SART1: variants seen among roughly 807,000 people sequenced by gnomAD.
The protein encoded by SART1 is spliceosome associated factor 1, recruiter of U4/U6.U5 tri-snRNP, also known as U4/U6.U5 tri-snRNP-associated protein 1.
In SART1, 28 loss-of-function variants were observed where a neutral mutation model predicts 105.0. The observed-to-expected ratio is 0.27, with a 90% CI of 0.20 to 0.37. The LOEUF (loss-of-function observed/expected upper bound fraction) is 0.37. Among genes scored for constraint, SART1 ranks in the 10% least tolerant of loss-of-function variants. SART1 has a pLI of 1.00. For synonymous variants in SART1, 472 were observed against 462.9 expected (o/e 1.02, Z -0.25); for missense variants, 894 against 1,106.5 (o/e 0.81, Z 2.72).
At position 65,976,603 on chromosome 11, in the gene SART1, C is replaced by T. The variant is rs371814551; in HGVS notation, c.1746+35C>T. 68 of 1,613,412 alleles carry T rather than the reference C, an allele frequency of 4.2e-5. No individual in the cohort carries two copies. Among genetic ancestry groups the T allele is most frequent in the African/African-American group, 1.7e-4 (13 of 74,946 alleles). On this transcript the variant is annotated intron_variant, in intron 13 of 19. Transcript: ENST00000312397. The surrounding 1 kb of genome is among the most constrained non-coding windows in gnomAD (Gnocchi z 5.1). ...GGGCGGCCCCGCCCTCTGCTTCCCT[C>T]GGCTGGGTGGGCTGGCTGGGGCCTG...
chr11:65,977,736 C>A, intron 16 of SART1, 28 bp from the exon 17 acceptor site: 1 of 1,614,056 alleles, frequency 6.2e-7, no homozygotes, highest in South Asian at 1.1e-5. Flanking sequence ...CAGCTCCTCA[C>A]ACTAAGGCCT....
intron 5 of SART1, 108 bp downstream of exon 5, chr11:65,965,555 G>A: frequency 7.4e-7 from 1 of 1,351,318 alleles, no homozygotes; most frequent in Non-Finnish European, 1.0e-6. Flanking sequence ...GAGAAGGGAA[G>A]GGCCGTGGTC....
rs545289750 is a variant in SART1 at position 65,976,234 on chromosome 11, A to G, written c.1573-161A>G. Among the ~76,000 whole-genome samples the G allele has an allele frequency of 4.6e-5, 7 of 152,272 alleles. No homozygotes were observed. In the East Asian group the frequency reaches 1.2e-3, roughly 25 times the overall value. On this transcript the variant is annotated intron_variant, in intron 12 of 19. Coordinates refer to ENST00000312397, the MANE Select transcript of SART1 (RefSeq NM_005146.5). This position sits in a 1 kb window ranked among gnomAD's most constrained non-coding sequence, Gnocchi z 5.1. ...GGAGCAGAAGAGTGACCCCAGTGAA[A>G]GAGGTGCAGAGTGGAGTTAGGCGGC... is the stretch of plus-strand genomic sequence containing the variant.
Position 65,976,360 on chromosome 11 carries a change from C to T in SART1, c.1573-35C>T. The T allele has an allele frequency of 2.0e-6, 3 of 1,489,882 alleles. No homozygotes were observed. Among genetic ancestry groups the T allele is most frequent in the Non-Finnish European group, 2.7e-6 (3 of 1,121,944 alleles). 92.3% of individuals were successfully genotyped at this position (1,489,882 alleles called of 1,614,324 possible). The stretch of plus-strand genomic sequence containing the variant: ...GGTCTCAATGGCATCACCCCAGAAA[C>T]TGCTGGGTTTGCCCACAGCCGCTCC... On this transcript the variant is annotated intron_variant, in intron 12 of 19. Transcript: ENST00000312397. This position sits in a 1 kb window ranked among gnomAD's most constrained non-coding sequence, Gnocchi z 5.1.
chr11:65,966,770 C>T (rs1037029677), intron 9 of SART1, among the ~76,000 whole-genome samples: 2 of 152,202 alleles, frequency 1.3e-5, no homozygotes, highest in Non-Finnish European at 2.9e-5. Flanking sequence ...TTCGGCTCTG[C>T]CATGCTGCCA....
chr11:65,965,180 G>A lies in SART1; in HGVS notation c.516G>A (p.Ala172=), dbSNP rs550435. The change falls in exon 4 of 20, where the codon GCG becomes GCA. Residue 172 remains alanine, a synonymous_variant. Coordinates refer to ENST00000312397, the MANE Select transcript of SART1 (RefSeq NM_005146.5). The part of the protein sequence containing the change: ...RQREELREKL[A]AAKEKRLLNQ... ...GAGAGGAGCTGCGGGAGAAGCTGGCGGCTGCCAAGGAGAAGCGCCTGCTGA... is the reference window on the plus strand; with the variant it reads ...GAGAGGAGCTGCGGGAGAAGCTGGCAGCTGCCAAGGAGAAGCGCCTGCTGA... 0.46 allele frequency: 734,640 copies of A among 1,605,394 alleles called. 170,842 individuals carry two copies. The highest frequency in any genetic ancestry group is 0.63 in the Admixed American group (35,664 of 56,546).
chr11:65,966,922 C>T (rs1292765409), intron 9 of SART1, among the ~76,000 whole-genome samples: 2 of 152,198 alleles, frequency 1.3e-5, no homozygotes, highest in Non-Finnish European at 2.9e-5. Flanking sequence ...TGCGTGGATT[C>T]TGTCCACAGG....
intron 12 of SART1, among the ~76,000 whole-genome samples, chr11:65,974,810 C>T (rs937268353): frequency 6.6e-6 from 1 of 152,024 alleles, no homozygotes; most frequent in Non-Finnish European, 1.5e-5. Context: ...CCAAGGCAGG[C>T]AAATCACGAG....
chr11:65,968,433 G>A (rs1855307078), intron 12 of SART1, among the ~76,000 whole-genome samples: 1 of 152,172 alleles, frequency 6.6e-6, no homozygotes, highest in South Asian at 2.1e-4. Context: ...CATGGAGCTG[G>A]CTTTCTAGAG....
In SART1 at chr11:65,966,087, G is replaced by A. The variant is rs1855249311; in HGVS notation, c.850G>A (p.Glu284Lys). 2 of 1,613,710 alleles carry A rather than the reference G, an allele frequency of 1.2e-6. No individual in the cohort carries two copies. The highest frequency in any genetic ancestry group is 1.7e-6 in the Non-Finnish European group (2 of 1,179,912). The change falls in exon 8 of 20, where the codon GAG becomes AAG. Residue 284 changes from glutamate (E) to lysine (K), a missense_variant. Glu to Lys is a moderately conservative substitution (Grantham distance 56). Coordinates refer to ENST00000312397, the MANE Select transcript of SART1 (RefSeq NM_005146.5). ...LTLKDKGVLQ[E>K]EEDVLVNVNL... ...TGTGCTGCCCCCAGGCGTGCTGCAG[G>A]AGGAGGAGGACGTGCTGGTGAACGT...
chr11:65,971,685 G>A (rs1384880569), intron 12 of SART1, among the ~76,000 whole-genome samples: 1 of 151,960 alleles, frequency 6.6e-6, no homozygotes, highest in Non-Finnish European at 1.5e-5. Context: ...AGTGGATGGT[G>A]GGATTGAGGA....
chr11:65,973,287 A>G (rs1256475932), intron 12 of SART1, among the ~76,000 whole-genome samples: 1 of 152,204 alleles, frequency 6.6e-6, no homozygotes, highest in African/African-American at 2.4e-5. Context: ...CATATATACC[A>G]CCAAGAATGG....
intron 1 of SART1, among the ~76,000 whole-genome samples, chr11:65,962,326 C>T (rs936135069): frequency 1.3e-5 from 2 of 152,216 alleles, no homozygotes. Context: ...GAGACTCTGT[C>T]TCAAAAAGAA....
intron 12 of SART1, among the ~76,000 whole-genome samples, chr11:65,970,517 C>T (rs902026413): frequency 1.5e-4 from 23 of 152,130 alleles, no homozygotes; most frequent in African/African-American, 5.5e-4. Flanking sequence ...TGAGTGAAGC[C>T]AGCTCGTGTC....
chr11:65,967,424 GGGT>G, intron 10 of SART1, 41 bp downstream of exon 10: 2 of 1,613,754 alleles, frequency 1.2e-6, no homozygotes, highest in Non-Finnish European at 1.7e-6. Context: ...GGCTGGGCTG[GGGT>G]GGCCTGGGGA....
At chr11:65,968,226 G>T (rs774778419) in intron 12 of SART1, among the ~76,000 whole-genome samples, 22 of 152,150 alleles carry the variant, frequency 1.4e-4, no homozygotes, top group Non-Finnish European at 2.9e-4. Context: ...AAAATTACAG[G>T]TGTGTGCCAC....
Position 65,962,050 on chromosome 11 carries a change from G to C in SART1, c.270G>C (p.Glu90Asp). The change falls in exon 1 of 20, where the codon GAG becomes GAC. Residue 90 changes from glutamate (E) to aspartate (D), a missense_variant. Around this residue, in one of 2 missense-constraint regions of SART1, gnomAD observed 712 missense variants for 778.2 expected, o/e 0.91. Transcript: ENST00000312397. ...GRERSQAEPS[E>D]RRVKREKRDD... ...AGCGCAGCCAGGCAGAGCCCTCCGA[G>C]CGGCGCGTGAAGCGGGAGAAGCGCG... 6.7e-7 allele frequency: 1 copy of C among 1,497,696 alleles called. No individual in the cohort carries two copies. The highest frequency in any genetic ancestry group is 8.8e-7 in the Non-Finnish European group (1 of 1,130,528). The allele number at this position is 1,497,696 out of a possible 1,614,324, so 92.8% of individuals were successfully genotyped here.
rs1034121047 is a variant in SART1 at position 65,978,106 on chromosome 11, C to T, written c.2172+207C>T. The T allele has an allele frequency of 1.7e-6, 1 of 603,382 alleles. No individual in the cohort carries two copies. The highest frequency in any genetic ancestry group is 3.0e-5 in the Admixed American group (1 of 33,456). The allele number at this position is 603,382 out of a possible 1,614,324, so 37.4% of individuals were successfully genotyped here. A position where few individuals can be genotyped will look rare whatever the true frequency, so the allele number is the denominator to read the frequency against. On this transcript the variant is annotated intron_variant, in intron 17 of 19. Transcript: ENST00000312397. This position sits in a 1 kb window ranked among gnomAD's most constrained non-coding sequence, Gnocchi z 6.8. Reference sequence around the variant, plus strand: ...GTTTGTCTCTAGTGGGCACAGCAGTCTCTTTGCAAGCCTGGCAGGAGGGTC... The same window carrying T: ...GTTTGTCTCTAGTGGGCACAGCAGTTTCTTTGCAAGCCTGGCAGGAGGGTC...
chr11:65,972,726 A>G (rs186497808), intron 12 of SART1, among the ~76,000 whole-genome samples: 136 of 151,880 alleles, frequency 9.0e-4, no homozygotes, highest in Non-Finnish European at 1.7e-3. Context: ...ATGATAGACT[A>G]TAGCTGACTA....
Sources: gnomAD v4.1 joint callset for allele counts (sites outside exome capture counted in the v4.1 genomes callset) on GRCh38, gnomAD v4.1.1 for gene constraint, gnomAD v4.1.1 regional missense constraint, Gnocchi (gnomAD v3.1) non-coding constraint, MANE v1.5 for transcripts, NCBI Gene and HGNC (gene_info 2026-07-23, HGNC 2026-07-21) for gene names.